The following PKNOX2 variants were observed in gnomAD, a reference collection of about 807,000 sequenced individuals.
The protein encoded by PKNOX2 is PBX/knotted 1 homeobox 2.
Under a neutral mutation model 53.1 loss-of-function variants are expected in PKNOX2, and 14 were observed. The observed-to-expected ratio is 0.26, with a 90% CI of 0.17 to 0.41. The LOEUF (loss-of-function observed/expected upper bound fraction) is 0.41, where lower values mean the gene tolerates loss of function less well. PKNOX2 is among the 10% of genes least tolerant of loss of function. PKNOX2 has a pLI of 1.00. For missense variants in PKNOX2, 496 were observed against 602.8 expected, an observed-to-expected ratio of 0.82 and a Z score of 1.85; for synonymous variants, 257 against 242.8, an observed-to-expected ratio of 1.06 and a Z score of -0.54.
intron 1 of PKNOX2, among the ~76,000 whole-genome samples, chr11:125,189,685 G>A (rs1956751197): frequency 6.6e-6 from 1 of 151,368 alleles, no homozygotes; most frequent in Non-Finnish European, 1.5e-5. Context: ...ACTCCTTTCA[G>A]AAGCAAACTA....
chr11:125,289,266 C>A (rs1163438893), intron 2 of PKNOX2, among the ~76,000 whole-genome samples: 1 of 152,226 alleles, frequency 6.6e-6, no homozygotes. Flanking sequence ...AGCCTCCCCT[C>A]ATGACTGACT....
intron 7 of PKNOX2, among the ~76,000 whole-genome samples, chr11:125,399,561 G>A (rs1010931799): frequency 1.3e-5 from 2 of 152,196 alleles, no homozygotes; most frequent in African/African-American, 4.8e-5. Context: ...TAAGTGAGGA[G>A]TTAATGAGAT....
rs1387195317 is a variant in PKNOX2, at chr11:125,166,588, G to A, written c.-201+1812G>A. 6.6e-6 allele frequency among the ~76,000 whole-genome samples: 1 copy of A among 152,114 alleles called. No homozygotes were observed. Among genetic ancestry groups the A allele is most frequent in the Admixed American group, 6.5e-5 (1 of 15,282 alleles). ...GCAGCGCGGCGGGGCGGGAGCGGTGGCCCGCAGGGGCCGCGGCCTGCGATG... is the reference window on the plus strand; with the variant it reads ...GCAGCGCGGCGGGGCGGGAGCGGTGACCCGCAGGGGCCGCGGCCTGCGATG... On this transcript the variant is annotated intron_variant, in intron 1 of 12. Coordinates refer to ENST00000298282, the MANE Select transcript of PKNOX2 (RefSeq NM_001382323.2). This position sits in a 1 kb window ranked among gnomAD's most constrained non-coding sequence, Gnocchi z 4.0.
chr11:125,402,632 A>T (rs1237485367), intron 7 of PKNOX2, among the ~76,000 whole-genome samples: 1 of 152,162 alleles, frequency 6.6e-6, no homozygotes, highest in Non-Finnish European at 1.5e-5. Flanking sequence ...ATGAGTCACA[A>T]TGAGGATCTA....
intron 1 of PKNOX2, among the ~76,000 whole-genome samples, chr11:125,208,273 C>G (rs1939390451): frequency 6.6e-6 from 1 of 152,038 alleles, no homozygotes; most frequent in South Asian, 2.1e-4. Flanking sequence ...GAAATACACT[C>G]ATTTACTGGG....
intron 1 of PKNOX2, among the ~76,000 whole-genome samples, chr11:125,200,432 T>C (rs2135398852): frequency 6.6e-6 from 1 of 152,342 alleles, no homozygotes; most frequent in East Asian, 1.9e-4. Flanking sequence ...ACTTTGACCC[T>C]TCCCTCGTTT....
intron 2 of PKNOX2, among the ~76,000 whole-genome samples, chr11:125,265,055 A>G (rs1359142053): frequency 1.3e-5 from 2 of 152,120 alleles, no homozygotes; most frequent in Non-Finnish European, 2.9e-5. Flanking sequence ...CTGGGAGGCG[A>G]AGGCGGGCAG....
At chr11:125,193,223 T>A (rs1956985440) in intron 1 of PKNOX2, among the ~76,000 whole-genome samples, 1 of 152,190 alleles carries the variant, frequency 6.6e-6, no homozygotes, top group African/African-American at 2.4e-5. Flanking sequence ...AGTTCCAATA[T>A]CCCCCAGCAA....
At chr11:125,239,661 G>T (rs1942999398) in intron 2 of PKNOX2, 1 of 152,256 alleles carries the variant, frequency 6.6e-6, no homozygotes, top group African/African-American at 2.4e-5. Context: ...ATCAGGCAAT[G>T]AGCGTAAAAA....
intron 3 of PKNOX2, among the ~76,000 whole-genome samples, chr11:125,335,769 G>T (rs1363104723): frequency 6.6e-6 from 1 of 152,140 alleles, no homozygotes; most frequent in Non-Finnish European, 1.5e-5. Context: ...AGTGAGCTAT[G>T]ATTGCTCCAC....
At chr11:125,340,070 AAAT>A (rs1950605306) in intron 3 of PKNOX2, among the ~76,000 whole-genome samples, 1 of 152,196 alleles carries the variant, frequency 6.6e-6, no homozygotes, top group African/African-American at 2.4e-5. Flanking sequence ...CATTTTTATA[AAAT>A]AATAAGAGCA....
intron 1 of PKNOX2, among the ~76,000 whole-genome samples, chr11:125,173,258 C>A (rs1013859406): frequency 6.6e-6 from 1 of 152,182 alleles, no homozygotes; most frequent in Non-Finnish European, 1.5e-5. Flanking sequence ...TTCTCACATG[C>A]CCTTGTGTGA....
At chr11:125,203,907 C>T (rs1455168965) in intron 1 of PKNOX2, among the ~76,000 whole-genome samples, 1 of 152,176 alleles carries the variant, frequency 6.6e-6, no homozygotes, top group African/African-American at 2.4e-5. Context: ...TCATTCTTCC[C>T]AAGCTTCGTT....
intron 4 of PKNOX2, among the ~76,000 whole-genome samples, chr11:125,355,559 T>C (rs1242186689): frequency 3.9e-5 from 6 of 152,204 alleles, no homozygotes; most frequent in Non-Finnish European, 5.9e-5. Flanking sequence ...GAGACCTGGA[T>C]GTGAACTAGG....
chr11:125,323,121 G>C (rs1949623080), intron 2 of PKNOX2, among the ~76,000 whole-genome samples: 1 of 152,038 alleles, frequency 6.6e-6, no homozygotes, highest in African/African-American at 2.4e-5. Flanking sequence ...GAGAGTTATG[G>C]ATGGAGGCCA....
At chr11:125,346,772 G>C (rs1160832121) in intron 3 of PKNOX2, among the ~76,000 whole-genome samples, 1 of 150,950 alleles carries the variant, frequency 6.6e-6, no homozygotes, top group Admixed American at 6.6e-5. Context: ...GAGGAAGGAG[G>C]GAGGGAAGAA....
chr11:125,182,187 C>T (rs891899544), intron 1 of PKNOX2, among the ~76,000 whole-genome samples: 32 of 152,182 alleles, frequency 2.1e-4, no homozygotes, highest in Non-Finnish European at 3.7e-4. Context: ...AGGATTGTAA[C>T]GACTTTCACA....
intron 2 of PKNOX2, among the ~76,000 whole-genome samples, chr11:125,281,232 C>A (rs1469761642): frequency 1.3e-5 from 2 of 152,204 alleles, no homozygotes; most frequent in African/African-American, 2.4e-5. Context: ...AGATTGGACT[C>A]CTGGAACGTA....
rs773306881 is a variant in PKNOX2, at chr11:125,385,590, A to T, written c.267A>T (p.Lys89Asn). The part of the protein sequence containing the change: ...LFPLLTLLFE[K>N]CEQATQGSEC... ...CGCTCCTGACGCTGCTGTTTGAGAA[A>T]TGTGAACAGGCCACCCAGGGCTCTG... The change falls in exon 6 of 13, where the codon AAA becomes AAT. Residue 89 changes from lysine (K) to asparagine (N), a missense_variant. Transcript: ENST00000298282. 2.0e-5 allele frequency: 32 copies of T among 1,611,802 alleles called. No homozygotes were observed. Among genetic ancestry groups the T allele is most frequent in the Non-Finnish European group, 2.5e-5 (30 of 1,179,248 alleles).
Sources: allele counts gnomAD v4.1 joint callset (sites outside exome capture counted in the v4.1 genomes callset), GRCh38; gene constraint gnomAD v4.1.1; non-coding constraint Gnocchi (gnomAD v3.1); transcripts MANE v1.5; gene names NCBI Gene and HGNC (gene_info 2026-07-23, HGNC 2026-07-21).